GPHN: variants seen among roughly 807,000 people sequenced by gnomAD.
GPHN encodes the protein gephyrin.
Under a neutral mutation model 95.5 loss-of-function variants are expected in GPHN, and 17 were observed. That is an observed-to-expected ratio of 0.18 (90% confidence interval 0.12 to 0.27). GPHN has a LOEUF of 0.27. Among genes scored for constraint, GPHN ranks in the 10% least tolerant of loss-of-function variants. The probability of loss-of-function intolerance (pLI) is 1.00; values close to 1 mark genes in which losing one functional copy is unlikely to be tolerated. For synonymous variants in GPHN, 320 were observed against 322.5 expected (o/e 0.99, Z 0.08); for missense variants, 660 against 978.1 (o/e 0.67, Z 4.34).
At chr14:66,629,946 G>T (rs2063726834) in intron 1 of GPHN, among the ~76,000 whole-genome samples, 2 of 152,122 alleles carry the variant, frequency 1.3e-5, no homozygotes, top group Admixed American at 1.3e-4. Context: ...TTCCTAAGAA[G>T]ATTAAATAAG....
intron 1 of GPHN, among the ~76,000 whole-genome samples, chr14:66,680,834 C>T (rs2066892441): frequency 6.6e-6 from 1 of 151,998 alleles, no homozygotes; most frequent in African/African-American, 2.4e-5. Flanking sequence ...GTAAGAACAA[C>T]ATTTAGACCG....
chr14:67,584,562 C>G, the GPHN span, among the ~76,000 whole-genome samples: 1 of 152,248 alleles, frequency 6.6e-6, no homozygotes, highest in Non-Finnish European at 1.5e-5. Flanking sequence ...TCAGAAGGAA[C>G]TTTTCTTCAC....
chr14:67,729,046 G>A, the GPHN span: 3 of 828,848 alleles, frequency 3.6e-6, no homozygotes. Context: ...TTCAAATTCC[G>A]CCTGGCCAGG....
chr14:67,219,102 T>C, the GPHN span, among the ~76,000 whole-genome samples: 46 of 152,092 alleles, frequency 3.0e-4, no homozygotes, highest in Middle Eastern at 3.4e-3. Context: ...CAGGTGGTGA[T>C]TGGGGAGTAG....
chr14:66,844,721 TG>T (rs2062247016), intron 4 of GPHN, among the ~76,000 whole-genome samples: 1 of 152,154 alleles, frequency 6.6e-6, no homozygotes, highest in Non-Finnish European at 1.5e-5. Context: ...TTTAAAATTT[TG>T]GTAAAATATA....
chr14:67,542,124 C>T, the GPHN span: 1 of 884,356 alleles, frequency 1.1e-6, no homozygotes, highest in East Asian at 2.9e-5. Flanking sequence ...CAAAATGAAA[C>T]CCAAGGTAGT....
intron 8 of GPHN, among the ~76,000 whole-genome samples, chr14:66,930,900 G>A (rs930130020): frequency 1.2e-4 from 19 of 152,140 alleles, no homozygotes; most frequent in African/African-American, 4.6e-4. Context: ...ACACTTAACA[G>A]TGTATAATAT....
chr14:67,360,096 T>G, the GPHN span: 1 of 425,008 alleles, frequency 2.4e-6, no homozygotes, highest in South Asian at 6.6e-5. Flanking sequence ...CATCTCATGG[T>G]TAGCTGAAAC....
intron 1 of GPHN, among the ~76,000 whole-genome samples, chr14:66,546,915 G>GATACA (rs2059626097): frequency 6.6e-6 from 1 of 152,192 alleles, no homozygotes. Flanking sequence ...GTACTTGTAT[G>GATACA]GGCCTCAAAC....
the GPHN span, among the ~76,000 whole-genome samples, chr14:67,425,030 G>A: frequency 2.0e-5 from 3 of 152,114 alleles, no homozygotes; most frequent in African/African-American, 2.4e-5. Context: ...TTATCTTTCC[G>A]GGAGAAACAA....
chr14:67,053,854 A>C (rs1314601709), intron 10 of GPHN, among the ~76,000 whole-genome samples: 1 of 152,230 alleles, frequency 6.6e-6, no homozygotes, highest in Non-Finnish European at 1.5e-5. Context: ...AGAACTAAAC[A>C]CAAAAACCGC....
the GPHN span, among the ~76,000 whole-genome samples, chr14:67,429,719 G>A: frequency 6.6e-6 from 1 of 152,100 alleles, no homozygotes; most frequent in South Asian, 2.1e-4. Flanking sequence ...CTGGGTGACA[G>A]AGCAAGACTG....
intron 4 of GPHN, among the ~76,000 whole-genome samples, chr14:66,848,832 C>A (rs1596134218): frequency 6.6e-6 from 1 of 151,786 alleles, no homozygotes; most frequent in South Asian, 2.1e-4. Flanking sequence ...TTAATAAAAA[C>A]ACCAATAATC....
chr14:67,559,238 T>A, the GPHN span, among the ~76,000 whole-genome samples: 1 of 152,134 alleles, frequency 6.6e-6, no homozygotes, highest in Admixed American at 6.5e-5. Context: ...ATGCTTATAG[T>A]TAAAAATAAA....
chr14:66,588,766 C>G (rs1374667554), intron 1 of GPHN, among the ~76,000 whole-genome samples: 1 of 152,114 alleles, frequency 6.6e-6, no homozygotes, highest in African/African-American at 2.4e-5. Context: ...ATTGGTGTAC[C>G]TGAAAGTGAC....
At chr14:66,752,749 A>G (rs1337190652) in intron 2 of GPHN, among the ~76,000 whole-genome samples, 1 of 152,062 alleles carries the variant, frequency 6.6e-6, no homozygotes, top group Non-Finnish European at 1.5e-5. Flanking sequence ...GCCCCAGCAG[A>G]CTTCCTTGAC....
chr14:66,617,351 G>C (rs550989056), intron 1 of GPHN, among the ~76,000 whole-genome samples: 1 of 152,184 alleles, frequency 6.6e-6, no homozygotes, highest in Non-Finnish European at 1.5e-5. Context: ...GCATGGGTTC[G>C]CAAGTTGGAT....
the GPHN span, among the ~76,000 whole-genome samples, chr14:67,422,206 C>T: frequency 1.3e-5 from 2 of 152,132 alleles, no homozygotes; most frequent in Non-Finnish European, 2.9e-5. Flanking sequence ...AGGGACCACT[C>T]CTATAGCTTA....
chr14:66,547,658 C>G (rs1387779801), intron 1 of GPHN, among the ~76,000 whole-genome samples: 5 of 152,118 alleles, frequency 3.3e-5, no homozygotes, highest in African/African-American at 1.2e-4. Flanking sequence ...ATATCCTGTA[C>G]AAGGTCAAAC....
Sources: allele counts gnomAD v4.1 joint callset (sites outside exome capture counted in the v4.1 genomes callset), GRCh38; gene constraint gnomAD v4.1.1; transcripts MANE v1.5; gene names NCBI Gene and HGNC (gene_info 2026-07-23, HGNC 2026-07-21).